KLRG1: variants seen among roughly 807,000 people sequenced by gnomAD.
KLRG1 encodes the protein killer cell lectin-like receptor subfamily G member 1.
In KLRG1, 16 loss-of-function variants were observed where a neutral mutation model predicts 21.8. The observed-to-expected ratio is 0.73, with a 90% CI of 0.50 to 1.11. The LOEUF is 1.11. Ranked by LOEUF, KLRG1 falls within the 50% of genes most tolerant of loss-of-function variation. The probability of loss-of-function intolerance (pLI) is 0.00; values close to 1 mark genes in which losing one functional copy is unlikely to be tolerated. For missense variants in KLRG1, 173 were observed against 218.3 expected, an observed-to-expected ratio of 0.79 and a Z score of 1.31; for synonymous variants, 69 against 75.9, an observed-to-expected ratio of 0.91 and a Z score of 0.47.
At chr12:9,210,527 C>T in the KLRG1 span, among the ~76,000 whole-genome samples, 2 of 152,128 alleles carry the variant, frequency 1.3e-5, no homozygotes, top group Non-Finnish European at 2.9e-5. Flanking sequence ...CCCTTAAACA[C>T]AGAATTGCCC....
the KLRG1 span, chr12:9,200,974 C>T: frequency 2.6e-5 from 42 of 1,614,110 alleles, no homozygotes; most frequent in Admixed American, 3.5e-4. Context: ...CCTGAATGGG[C>T]TCTGATGAGA....
At chr12:9,004,943 A>G (rs1947424534) in intron 3 of KLRG1, among the ~76,000 whole-genome samples, 1 of 152,208 alleles carries the variant, frequency 6.6e-6, no homozygotes, top group South Asian at 2.1e-4. Context: ...GGCACATAAT[A>G]ATTATATATA....
the KLRG1 span, among the ~76,000 whole-genome samples, chr12:9,103,517 C>CT: frequency 6.6e-6 from 1 of 152,136 alleles, no homozygotes; most frequent in Non-Finnish European, 1.5e-5. Flanking sequence ...ATCTCCAGAA[C>CT]TTTTCATCTT....
chr12:9,090,616 GT>G, the KLRG1 span: 1 of 886,956 alleles, frequency 1.1e-6, no homozygotes, highest in East Asian at 2.7e-5. Flanking sequence ...TGAAGATCAA[GT>G]ACCTGAAATA....
the KLRG1 span, chr12:9,128,652 G>C: frequency 6.6e-6 from 1 of 152,336 alleles, no homozygotes; most frequent in Non-Finnish European, 1.5e-5. Flanking sequence ...TGAGTGGCAG[G>C]CTCCTGGGCT....
chr12:9,039,768 C>T, the KLRG1 span, among the ~76,000 whole-genome samples: 2 of 152,208 alleles, frequency 1.3e-5, no homozygotes, highest in Admixed American at 6.5e-5. Context: ...TTTCTCACTA[C>T]CTTGATTCTA....
chr12:9,182,047 A>G, the KLRG1 span: 1 of 1,613,876 alleles, frequency 6.2e-7, no homozygotes, highest in East Asian at 2.2e-5. Context: ...GTAAAATGGC[A>G]AAGATGAACA....
At chr12:9,161,035 A>T in the KLRG1 span, 29 of 1,579,786 alleles carry the variant, frequency 1.8e-5, no homozygotes, top group Non-Finnish European at 2.5e-5. Context: ...TGACTCACCC[A>T]GAACTGAGAA....
the KLRG1 span, among the ~76,000 whole-genome samples, chr12:9,173,023 C>T: frequency 1.3e-4 from 20 of 152,232 alleles, no homozygotes; most frequent in Non-Finnish European, 4.4e-5. Flanking sequence ...ACAGAATATA[C>T]ATTCTTCTCA....
At chr12:9,066,030 C>A in the KLRG1 span, 7 of 152,676 alleles carry the variant, frequency 4.6e-5, no homozygotes, top group African/African-American at 1.7e-4. Flanking sequence ...GAAAGGACAT[C>A]CTTACTGTGG....
chr12:9,008,270 T>C (rs76859647), intron 3 of KLRG1, among the ~76,000 whole-genome samples: 205 of 152,366 alleles, frequency 1.3e-3, no homozygotes, highest in African/African-American at 4.8e-3. Context: ...CTTCTTTCTT[T>C]TGAAATAATC....
chr12:9,184,461 C>A, the KLRG1 span, among the ~76,000 whole-genome samples: 1 of 152,210 alleles, frequency 6.6e-6, no homozygotes, highest in Non-Finnish European at 1.5e-5. Flanking sequence ...AGTGGGGATC[C>A]CCCAATCCCC....
At chr12:9,123,743 T>G in the KLRG1 span, among the ~76,000 whole-genome samples, 3 of 152,352 alleles carry the variant, frequency 2.0e-5, no homozygotes, top group African/African-American at 7.2e-5. Context: ...ATTTCTAGTT[T>G]CAGTTTCTTC....
At chr12:9,135,927 C>A in the KLRG1 span, among the ~76,000 whole-genome samples, 1 of 149,960 alleles carries the variant, frequency 6.7e-6, no homozygotes, top group Non-Finnish European at 1.5e-5. Flanking sequence ...TGTAGTAGAT[C>A]TCGCAGAGGA....
At chr12:9,150,576 G>GAT in the KLRG1 span, 4 of 1,047,364 alleles carry the variant, frequency 3.8e-6, no homozygotes, top group Non-Finnish European at 5.8e-6. Context: ...CTAAGAAGAG[G>GAT]ATCAACTGTC....
the KLRG1 span, among the ~76,000 whole-genome samples, chr12:9,042,438 T>C: frequency 6.6e-6 from 1 of 152,244 alleles, no homozygotes; most frequent in African/African-American, 2.4e-5. Flanking sequence ...GACCTTTGTG[T>C]AGACCTCAGA....
At chr12:9,150,790 T>C in the KLRG1 span, 12 of 1,247,098 alleles carry the variant, frequency 9.6e-6, no homozygotes, top group African/African-American at 1.8e-4. Flanking sequence ...GAAAACCTCC[T>C]TCTTTCTCCC....
the KLRG1 span, among the ~76,000 whole-genome samples, chr12:9,038,147 C>A: frequency 2.0e-5 from 3 of 152,030 alleles, no homozygotes; most frequent in Non-Finnish European, 4.4e-5. Context: ...TATAGTCCTA[C>A]CTATTCAGGA....
At chr12:9,157,629 A>G in the KLRG1 span, 4 of 806,260 alleles carry the variant, frequency 5.0e-6, no homozygotes, top group South Asian at 3.5e-5. Flanking sequence ...TAATGCATCA[A>G]CCAAAGAGCT....
Sources: gnomAD v4.1 joint callset for allele counts (sites outside exome capture counted in the v4.1 genomes callset) on GRCh38, gnomAD v4.1.1 for gene constraint, MANE v1.5 for transcripts, NCBI Gene and HGNC (gene_info 2026-07-23, HGNC 2026-07-21) for gene names.